NRXN1: variants seen among roughly 807,000 people sequenced by gnomAD.
The protein encoded by NRXN1 is neurexin-1.
In NRXN1, 39 loss-of-function variants were observed where a neutral mutation model predicts 150.9. That is an observed-to-expected ratio of 0.26 (90% CI 0.20 to 0.34). The LOEUF (loss-of-function observed/expected upper bound fraction) is 0.34, where lower values mean the gene tolerates loss of function less well. Ranked by LOEUF, NRXN1 falls within the 10% of genes least tolerant of loss-of-function variation. The probability of loss-of-function intolerance (pLI) is 1.00; values close to 1 mark genes in which losing one functional copy is unlikely to be tolerated. For synonymous variants in NRXN1, 924 were observed against 757.0 expected (o/e 1.22, Z -3.62); for missense variants, 1,815 against 1,949.9 (o/e 0.93, Z 1.30).
At chr2:50,783,053 G>T (rs779044370) in intron 5 of NRXN1, among the ~76,000 whole-genome samples, 13 of 151,994 alleles carry the variant, frequency 8.6e-5, no homozygotes, top group African/African-American at 2.9e-4. Flanking sequence ...TATCTGTTAC[G>T]TCTATTTCAT....
chr2:50,104,362 C>T (rs1019013068), intron 18 of NRXN1, among the ~76,000 whole-genome samples: 2 of 151,952 alleles, frequency 1.3e-5, no homozygotes, highest in African/African-American at 4.8e-5. Context: ...CAAACATGTC[C>T]ACTGTTTTAA....
At chr2:50,465,210 T>C (rs1034467349) in intron 17 of NRXN1, among the ~76,000 whole-genome samples, 1 of 151,758 alleles carries the variant, frequency 6.6e-6, no homozygotes, top group Non-Finnish European at 1.5e-5. Context: ...CATTAGTAAT[T>C]AAAAAATAAC....
chr2:50,105,068 T>A (rs537393865), intron 18 of NRXN1, among the ~76,000 whole-genome samples: 2 of 152,010 alleles, frequency 1.3e-5, no homozygotes, highest in Non-Finnish European at 2.9e-5. Flanking sequence ...TCTATCTGGT[T>A]CCAAACTAAG....
chr2:50,333,524 G>A (rs2076965351), intron 17 of NRXN1, among the ~76,000 whole-genome samples: 1 of 151,984 alleles, frequency 6.6e-6, no homozygotes, highest in African/African-American at 2.4e-5. Flanking sequence ...ACCCAGCCAT[G>A]CCATGGTACA....
rs1182472011 is a variant in NRXN1, at chr2:50,918,783, G to A, written c.832+3086C>T. 11 of 288,660 alleles carry A rather than the reference G, an allele frequency of 3.8e-5. No individual in the cohort carries two copies. The East Asian group carries it at 5.4e-4, about 14-fold the overall frequency. 17.9% of individuals were successfully genotyped at this position (288,660 alleles called of 1,614,324 possible). ...AAACCTAAATTCTAAATAGAAAGGA[G>A]AATAAAATTAGCATTATCAATGATC... On this transcript the variant is annotated intron_variant, in intron 5 of 22. Transcript: ENST00000401669.
chr2:50,632,959 G>A (rs1682602818), intron 5 of NRXN1: 1 of 151,822 alleles, frequency 6.6e-6, no homozygotes, highest in Non-Finnish European at 1.5e-5. Flanking sequence ...TCACCTTTAG[G>A]CAATATTACA....
At chr2:50,828,721 C>T (rs1234879534) in intron 5 of NRXN1, among the ~76,000 whole-genome samples, 1 of 151,524 alleles carries the variant, frequency 6.6e-6, no homozygotes, top group African/African-American at 2.4e-5. Context: ...GGCGGCCGGG[C>T]AGAGACCCTC....
chr2:50,829,607 A>C, intron 5 of NRXN1: 1 of 1,611,984 alleles, frequency 6.2e-7, no homozygotes. Context: ...AGAGCCTTGA[A>C]TATTTCACTT....
intron 5 of NRXN1, among the ~76,000 whole-genome samples, chr2:50,694,637 G>A (rs897902653): frequency 2.0e-5 from 3 of 152,070 alleles, no homozygotes; most frequent in African/African-American, 4.8e-5. Context: ...TTAAATTCAA[G>A]GTAGGGAAAA....
At chr2:50,398,660 C>G (rs1384059834) in intron 17 of NRXN1, among the ~76,000 whole-genome samples, 1 of 152,082 alleles carries the variant, frequency 6.6e-6, no homozygotes, top group Non-Finnish European at 1.5e-5. Flanking sequence ...AAAACTGTTT[C>G]CATTTGCAGG....
intron 17 of NRXN1, among the ~76,000 whole-genome samples, chr2:50,371,376 C>A (rs987270628): frequency 6.6e-6 from 1 of 151,928 alleles, no homozygotes; most frequent in Non-Finnish European, 1.5e-5. Context: ...TTGAGAAAAC[C>A]CTTGCTCTCC....
intron 18 of NRXN1, among the ~76,000 whole-genome samples, chr2:50,129,377 T>G (rs948071538): frequency 2.0e-5 from 3 of 152,240 alleles, no homozygotes; most frequent in Non-Finnish European, 2.9e-5. Flanking sequence ...CTGAGAAGTC[T>G]ACTGCCTTGG....
At chr2:50,319,947 G>T (rs927239903) in intron 17 of NRXN1, among the ~76,000 whole-genome samples, 2 of 151,820 alleles carry the variant, frequency 1.3e-5, no homozygotes, top group Admixed American at 1.3e-4. Context: ...TGCTCACTTT[G>T]GCAAGACATG....
chr2:50,608,138 AG>A (rs1363732391), intron 8 of NRXN1, among the ~76,000 whole-genome samples: 1 of 152,078 alleles, frequency 6.6e-6, no homozygotes, highest in African/African-American at 2.4e-5. Context: ...ACAAATCAGC[AG>A]TTTTACATTT....
intron 5 of NRXN1, among the ~76,000 whole-genome samples, chr2:50,882,583 C>T (rs1679613624): frequency 6.6e-6 from 1 of 151,782 alleles, no homozygotes; most frequent in African/African-American, 2.4e-5. Flanking sequence ...GTTTTATAAG[C>T]ACCTGATCTC....
intron 5 of NRXN1, among the ~76,000 whole-genome samples, chr2:50,676,812 A>AT (rs1689615732): frequency 6.6e-6 from 1 of 152,200 alleles, no homozygotes; most frequent in South Asian, 2.1e-4. Context: ...TAAAGAGAAA[A>AT]TAAGCTATTT....
chr2:50,929,402 T>C (rs1447560303), intron 2 of NRXN1, among the ~76,000 whole-genome samples: 3 of 152,098 alleles, frequency 2.0e-5, no homozygotes, highest in Non-Finnish European at 4.4e-5. Context: ...GTGGTCCATT[T>C]AGTGCTACAA....
At position 50,578,156 on chromosome 2, in the gene NRXN1, T is replaced by A. The variant is rs76238930; in HGVS notation, c.1321-25131A>T. 6.8e-3 allele frequency among the ~76,000 whole-genome samples: 1,036 copies of A among 152,290 alleles called. 15 individuals are homozygous for A. The highest frequency in any genetic ancestry group is 0.023 in the African/African-American group (958 of 41,556). Reference sequence around the variant, plus strand: ...CCCTGAAAATCTTCATTTCCAATATTAAATCCAATGCTCTAGACTTTCTTG... The same window carrying A: ...CCCTGAAAATCTTCATTTCCAATATAAAATCCAATGCTCTAGACTTTCTTG... On this transcript the variant is annotated intron_variant, in intron 8 of 22. Coordinates refer to ENST00000401669, the MANE Select transcript of NRXN1 (RefSeq NM_001330078.2).
At chr2:50,426,034 G>A (rs1327316990) in intron 17 of NRXN1, among the ~76,000 whole-genome samples, 1 of 152,072 alleles carries the variant, frequency 6.6e-6, no homozygotes, top group Non-Finnish European at 1.5e-5. Context: ...CCTTTCAAAA[G>A]GTAACTACTT....
Sources: allele counts gnomAD v4.1 joint callset (sites outside exome capture counted in the v4.1 genomes callset), GRCh38; gene constraint gnomAD v4.1.1; transcripts MANE v1.5; gene names NCBI Gene and HGNC (gene_info 2026-07-23, HGNC 2026-07-21).